Variants in MLPH observed in about 807,000 individuals in gnomAD.
MLPH encodes melanophilin.
MLPH carries 51 observed loss-of-function variants against 72.1 expected under a neutral mutation model. The observed-to-expected ratio is 0.71, with a 90% CI of 0.56 to 0.89. The LOEUF is 0.89. Ranked by LOEUF, MLPH falls within the 40% of genes least tolerant of loss-of-function variation. MLPH has a pLI of 0.00. For missense variants in MLPH, 743 were observed against 759.9 expected, an observed-to-expected ratio of 0.98 and a Z score of 0.26; for synonymous variants, 301 against 310.1, an observed-to-expected ratio of 0.97 and a Z score of 0.31.
At chr2:237,517,566 G>T (rs2106315400) in intron 4 of MLPH, among the ~76,000 whole-genome samples, 1 of 151,154 alleles carries the variant, frequency 6.6e-6, no homozygotes, top group South Asian at 2.1e-4. Context: ...TGGATGGGCA[G>T]CTGGGTGGAT....
chr2:237,526,508 G>T (rs958920374), intron 7 of MLPH, among the ~76,000 whole-genome samples: 2 of 152,090 alleles, frequency 1.3e-5, no homozygotes, highest in Non-Finnish European at 2.9e-5. Context: ...GGAAGGCAGG[G>T]CTCTACTTTC....
At chr2:237,496,763 G>A (rs971783497) in intron 2 of MLPH, among the ~76,000 whole-genome samples, 34 of 152,188 alleles carry the variant, frequency 2.2e-4, no homozygotes, top group Admixed American at 1.9e-3. Flanking sequence ...GGAAGGGGCC[G>A]CATGAGCGTA....
intron 8 of MLPH, among the ~76,000 whole-genome samples, chr2:237,529,021 A>G (rs1306258150): frequency 6.6e-6 from 1 of 152,188 alleles, no homozygotes; most frequent in Non-Finnish European, 1.5e-5. Flanking sequence ...TCTGTCAGCT[A>G]TGTGAAACGC....
At chr2:237,488,533 C>G (rs1028252411) in intron 1 of MLPH, among the ~76,000 whole-genome samples, 2 of 152,204 alleles carry the variant, frequency 1.3e-5, no homozygotes, top group Non-Finnish European at 2.9e-5. Flanking sequence ...CCCCTCCCTG[C>G]CCAGGACCGT....
At chr2:237,550,900 T>C (rs2081024229) in intron 14 of MLPH, among the ~76,000 whole-genome samples, 1 of 152,218 alleles carries the variant, frequency 6.6e-6, no homozygotes, top group Non-Finnish European at 1.5e-5. Context: ...TTGTGTCCTC[T>C]GTATGACTGG....
chr2:237,495,367 C>T (rs1383371987), intron 2 of MLPH, among the ~76,000 whole-genome samples: 1 of 152,170 alleles, frequency 6.6e-6, no homozygotes, highest in Non-Finnish European at 1.5e-5. Context: ...TGCCTTGGGG[C>T]AGGGGGTGGC....
chr2:237,552,396 A>T lies in MLPH; in HGVS notation c.1735A>T (p.Asn579Tyr). The T allele has an allele frequency of 6.2e-7, 1 of 1,614,142 alleles. No homozygotes were observed. The highest frequency in any genetic ancestry group is 8.5e-7 in the Non-Finnish European group (1 of 1,180,010). The change falls in exon 15 of 16, where the codon AAC becomes TAC. Residue 579 changes from asparagine to tyrosine, a missense_variant. Physicochemically the swap from Asn to Tyr is moderately radical, Grantham distance 143 (BLOSUM62 -2). Coordinates refer to ENST00000264605, the MANE Select transcript of MLPH (RefSeq NM_024101.7). Reference sequence around the variant, plus strand: ...GTACCGAGGCTCGCTGACACAGAGAAACCCCAACGCGAGGAAAGGAATGGC... The same window carrying T: ...GTACCGAGGCTCGCTGACACAGAGATACCCCAACGCGAGGAAAGGAATGGC... ...SVYRGSLTQR[N>Y]PNARKGMASH...
At chr2:237,506,498 T>G (rs1024961734) in intron 2 of MLPH, among the ~76,000 whole-genome samples, 1 of 152,162 alleles carries the variant, frequency 6.6e-6, no homozygotes, top group Non-Finnish European at 1.5e-5. Context: ...CTGTCCCTTT[T>G]AAGGGCTTAC....
Position 237,505,224 on chromosome 2 carries a change from G to A in MLPH, c.111-5350G>A, listed in dbSNP as rs113896001. Among the ~76,000 whole-genome samples the A allele has an allele frequency of 2.0e-3, 308 of 152,274 alleles. 1 individual carries two copies. Among genetic ancestry groups the A allele is most frequent in the Middle Eastern group, 6.8e-3 (2 of 294 alleles). On this transcript the variant is annotated intron_variant, in intron 2 of 15. Transcript: ENST00000264605. This position sits in a 1 kb window ranked among gnomAD's most constrained non-coding sequence, Gnocchi z 4.5. ...CAGGTCAGCTTGCAGGATGGGGACC[G>A]CTGGCTGGTATGTGAAGGGTACTGG...
intron 2 of MLPH, among the ~76,000 whole-genome samples, chr2:237,501,438 CAGTG>C (rs1186652681): frequency 6.6e-6 from 1 of 152,054 alleles, no homozygotes; most frequent in Non-Finnish European, 1.5e-5. Flanking sequence ...GGTCTATCTG[CAGTG>C]AGTGAGAGCT....
chr2:237,493,844 AC>A (rs1236012460), intron 2 of MLPH, among the ~76,000 whole-genome samples: 2 of 152,202 alleles, frequency 1.3e-5, no homozygotes, highest in Non-Finnish European at 2.9e-5. Flanking sequence ...AAAAGGTGAT[AC>A]ATGGGGAAAG....
intron 8 of MLPH, among the ~76,000 whole-genome samples, chr2:237,530,967 G>C (rs59704432): frequency 6.6e-6 from 1 of 152,192 alleles, no homozygotes; most frequent in East Asian, 1.9e-4. Context: ...CACACAAGTC[G>C]AGCAGAGCCA....
In MLPH at chr2:237,493,141, A is replaced by G. The variant is rs12465081; in HGVS notation, c.-24-262A>G. Reference sequence around the variant, plus strand: ...TGACGTTCATCCCACAGTGGAAAGAAAATGAGAGACCCGTGGCTGAGTGTG... The same window carrying G: ...TGACGTTCATCCCACAGTGGAAAGAGAATGAGAGACCCGTGGCTGAGTGTG... On this transcript the variant is annotated intron_variant, in intron 1 of 15. Transcript: ENST00000264605. Among the ~76,000 whole-genome samples, 61,862 of 152,152 alleles carry G rather than the reference A, an allele frequency of 0.41. 17,403 individuals are homozygous for G. The highest frequency in any genetic ancestry group is 0.8 in the African/African-American group (33,352 of 41,480).
intron 2 of MLPH, among the ~76,000 whole-genome samples, chr2:237,495,462 C>G (rs1214448554): frequency 2.0e-5 from 3 of 152,116 alleles, no homozygotes; most frequent in Non-Finnish European, 4.4e-5. Context: ...GGACCAGCCC[C>G]GGGGACGTGA....
At chr2:237,502,582 G>T (rs1298963324) in intron 2 of MLPH, among the ~76,000 whole-genome samples, 5 of 152,204 alleles carry the variant, frequency 3.3e-5, no homozygotes, top group African/African-American at 1.2e-4. Flanking sequence ...GGAAGAACTA[G>T]GAGACCATGC....
intron 12 of MLPH, among the ~76,000 whole-genome samples, chr2:237,543,144 A>T (rs1378507460): frequency 7.5e-5 from 1 of 13,290 alleles, no homozygotes; most frequent in Non-Finnish European, 1.2e-4. Flanking sequence ...AGTAGTGAGT[A>T]GGGGGACAGT....
At chr2:237,543,047 G>T (rs1395147293) in intron 12 of MLPH, among the ~76,000 whole-genome samples, 1 of 62,948 alleles carries the variant, frequency 1.6e-5, no homozygotes, top group Non-Finnish European at 3.0e-5. Context: ...TGAGTGGGGG[G>T]ACAGTGGTGA....
chr2:237,554,013 A>G lies in MLPH; in HGVS notation c.*421A>G, dbSNP rs1255345566. The G allele has an allele frequency of 1.1e-5, 4 of 352,736 alleles. No homozygotes were observed. Among genetic ancestry groups the G allele is most frequent in the Non-Finnish European group, 2.2e-5 (4 of 179,614 alleles). 21.9% of individuals were successfully genotyped at this position (352,736 alleles called of 1,614,324 possible). On this transcript the variant is annotated 3_prime_UTR_variant, in exon 16 of 16. Coordinates refer to ENST00000264605, the MANE Select transcript of MLPH (RefSeq NM_024101.7). ...GGCACCAGCCATATGTGTATTCTTG[A>G]TGGTCTATATCGGGGTGTGAGCAGA...
intron 1 of MLPH, among the ~76,000 whole-genome samples, chr2:237,492,567 G>C (rs1013206480): frequency 6.6e-6 from 1 of 152,126 alleles, no homozygotes; most frequent in African/African-American, 2.4e-5. Flanking sequence ...TACACCCCAG[G>C]CATGAGAATC....
Sources: allele counts gnomAD v4.1 joint callset (sites outside exome capture counted in the v4.1 genomes callset), GRCh38; gene constraint gnomAD v4.1.1; non-coding constraint Gnocchi (gnomAD v3.1); transcripts MANE v1.5; gene names NCBI Gene and HGNC (gene_info 2026-07-23, HGNC 2026-07-21).